Variants in SNX10 observed in about 807,000 individuals in gnomAD.
SNX10 encodes the protein sorting nexin-10.
Under a neutral mutation model 28.5 loss-of-function variants are expected in SNX10, and 25 were observed. The observed-to-expected ratio is 0.88, with a 90% confidence interval of 0.64 to 1.22. The LOEUF (loss-of-function observed/expected upper bound fraction) is 1.22. Ranked by LOEUF, SNX10 falls within the 50% of genes most tolerant of loss-of-function variation. The pLI is 0.00. For missense variants in SNX10, 223 were observed against 242.6 expected (o/e 0.92, Z 0.54); for synonymous variants, 62 against 81.4 (o/e 0.76, Z 1.28).
chr7:26,294,933 C>T lies in SNX10; in HGVS notation c.-24+2847C>T, dbSNP rs986770846. 1.6e-4 allele frequency among the ~76,000 whole-genome samples: 24 copies of T among 152,282 alleles called. No individual in the cohort carries two copies. In the South Asian group the frequency reaches 3.5e-3, roughly 22 times the overall value. ...GTAGTAACTCTCAGCCACCCACCTG[C>T]GAATGTAAAGGGCTTAGCCAGGCTT... On this transcript the variant is annotated intron_variant, in intron 1 of 6. Coordinates refer to ENST00000338523, the MANE Select transcript of SNX10 (RefSeq NM_013322.3).
At chr7:26,331,344 G>A (rs1010012367) in intron 1 of SNX10, among the ~76,000 whole-genome samples, 2 of 152,120 alleles carry the variant, frequency 1.3e-5, no homozygotes, top group Admixed American at 6.5e-5. Flanking sequence ...CCAGCTCTTC[G>A]CAAGGCCAAG....
intron 1 of SNX10, among the ~76,000 whole-genome samples, chr7:26,303,819 A>G (rs980104330): frequency 6.6e-6 from 1 of 152,320 alleles, no homozygotes; most frequent in East Asian, 1.9e-4. Context: ...TCCAGAGGCT[A>G]TGACACACTC....
intron 1 of SNX10, among the ~76,000 whole-genome samples, chr7:26,342,029 T>TTC (rs1639023523): frequency 2.0e-5 from 1 of 49,038 alleles, no homozygotes; most frequent in Non-Finnish European, 3.3e-5. Flanking sequence ...TTCTTCTTTC[T>TTC]TTTTTTTTTT....
intron 2 of SNX10, chr7:26,360,560 G>A: frequency 5.5e-6 from 1 of 180,376 alleles, no homozygotes. Flanking sequence ...TCTTATTTGT[G>A]TCCTAGGAAG....
At chr7:26,343,566 C>T (rs1788260993) in intron 1 of SNX10, among the ~76,000 whole-genome samples, 1 of 152,184 alleles carries the variant, frequency 6.6e-6, no homozygotes. Flanking sequence ...GGGGACTGCA[C>T]AGCACGCGGT....
intron 1 of SNX10, among the ~76,000 whole-genome samples, chr7:26,322,315 G>A (rs1386008535): frequency 1.3e-5 from 2 of 152,000 alleles, no homozygotes; most frequent in Admixed American, 1.3e-4. Flanking sequence ...TATATGAAAG[G>A]CATTAACACC....
chr7:26,308,625 T>G (rs1377336340), intron 1 of SNX10, among the ~76,000 whole-genome samples: 1 of 152,204 alleles, frequency 6.6e-6, no homozygotes, highest in Non-Finnish European at 1.5e-5. Context: ...CCTTGTCCTG[T>G]GCGTCTCCAT....
At chr7:26,366,672 ATGT>A (rs1249389652) in intron 5 of SNX10, among the ~76,000 whole-genome samples, 1 of 152,188 alleles carries the variant, frequency 6.6e-6, no homozygotes, top group African/African-American at 2.4e-5. Context: ...AGTGTAGGAC[ATGT>A]TGTCCTCGGG....
At chr7:26,358,172 G>T (rs1562816588) in intron 2 of SNX10, among the ~76,000 whole-genome samples, 1 of 151,908 alleles carries the variant, frequency 6.6e-6, no homozygotes, top group African/African-American at 2.4e-5. Context: ...GTGCTGCAAT[G>T]AATTTTGAGT....
At chr7:26,370,565 T>G (rs1789479960) in intron 5 of SNX10, 1 of 152,240 alleles carries the variant, frequency 6.6e-6, no homozygotes, top group Non-Finnish European at 1.5e-5. Context: ...GTTTTAATAC[T>G]GTGCATTTTT....
chr7:26,359,443 G>A (rs1467246141), intron 2 of SNX10, among the ~76,000 whole-genome samples: 2 of 152,054 alleles, frequency 1.3e-5, no homozygotes, highest in African/African-American at 4.8e-5. Context: ...TCTCAGATGT[G>A]CCCCAACAAG....
intron 1 of SNX10, among the ~76,000 whole-genome samples, chr7:26,293,909 A>G (rs989584299): frequency 6.6e-6 from 1 of 152,258 alleles, no homozygotes; most frequent in African/African-American, 2.4e-5. Flanking sequence ...GGTGTTCTAC[A>G]GCAATTCTGC....
chr7:26,305,612 A>G (rs753231383), intron 1 of SNX10, among the ~76,000 whole-genome samples: 7 of 152,202 alleles, frequency 4.6e-5, no homozygotes, highest in Non-Finnish European at 8.8e-5. Flanking sequence ...ACCCTGAGAA[A>G]CTGAGCTCTT....
chr7:26,301,987 A>G (rs76776135), intron 1 of SNX10, among the ~76,000 whole-genome samples: 5,012 of 152,296 alleles, frequency 0.033, 284 homozygotes, highest in African/African-American at 0.11. Flanking sequence ...CTGATCCTCA[A>G]ACATAATCCA....
intron 2 of SNX10, among the ~76,000 whole-genome samples, chr7:26,360,016 T>C (rs1789003087): frequency 6.6e-6 from 1 of 152,234 alleles, no homozygotes. Context: ...AGAACAAAAT[T>C]ATCTACTGTA....
chr7:26,292,396 G>C (rs1785958559), intron 1 of SNX10, among the ~76,000 whole-genome samples: 1 of 152,218 alleles, frequency 6.6e-6, no homozygotes, highest in Non-Finnish European at 1.5e-5. Context: ...GATTACGGAA[G>C]AAGTGCTGTG....
chr7:26,310,432 T>C (rs1441694373), intron 1 of SNX10, among the ~76,000 whole-genome samples: 4 of 152,090 alleles, frequency 2.6e-5, no homozygotes, highest in Non-Finnish European at 5.9e-5. Context: ...CTCAAGAAAA[T>C]AGATTAATAG....
At position 26,373,797 on chromosome 7, in the gene SNX10, CTACTACAAAAAGCAACCTTT is replaced by C. The variant is rs1789668459; in HGVS notation, c.*1227_*1246del. On this transcript the variant is annotated 3_prime_UTR_variant, in exon 7 of 7. Coordinates refer to ENST00000338523, the MANE Select transcript of SNX10 (RefSeq NM_013322.3). This position sits in a 1 kb window ranked among gnomAD's most constrained non-coding sequence, Gnocchi z 4.2. Reference sequence around the variant, plus strand: ...CAGCCTAATTGAAGAGTGGCAGAGGCTACTACAAAAAGCAACCTTTTCATTTTCACTAAGAGTTTAAAAGC... The same window carrying C: ...CAGCCTAATTGAAGAGTGGCAGAGGCTCATTTTCACTAAGAGTTTAAAAGC... 1 of 151,866 alleles carries C rather than the reference CTACTACAAAAAGCAACCTTT, an allele frequency of 6.6e-6. No individual in the cohort carries two copies. Among genetic ancestry groups the C allele is most frequent in the African/African-American group, 2.4e-5 (1 of 41,368 alleles). The allele number at this position is 151,866 out of a possible 1,614,324, so 9.4% of individuals were successfully genotyped here. A position where few individuals can be genotyped will look rare whatever the true frequency, so the allele number is the denominator to read the frequency against.
intron 1 of SNX10, among the ~76,000 whole-genome samples, chr7:26,310,478 C>G (rs1291714074): frequency 6.6e-6 from 1 of 151,916 alleles, no homozygotes; most frequent in Middle Eastern, 3.4e-3. Flanking sequence ...CGACAAAGTC[C>G]GAGGAGAAAA....
Sources: gnomAD v4.1 joint callset for allele counts (sites outside exome capture counted in the v4.1 genomes callset) on GRCh38, gnomAD v4.1.1 for gene constraint, Gnocchi (gnomAD v3.1) non-coding constraint, MANE v1.5 for transcripts, NCBI Gene and HGNC (gene_info 2026-07-23, HGNC 2026-07-21) for gene names.